Variants in WDR25 observed in about 807,000 individuals in gnomAD.
WDR25 encodes WD repeat domain 25, also known as WD repeat-containing protein 25.
A neutral mutation model predicts 47.7 loss-of-function variants in WDR25; 35 were observed. The observed-to-expected ratio is 0.73, with a 90% CI of 0.56 to 0.97. The LOEUF is 0.97. WDR25 is among the 50% of genes least tolerant of loss of function. The pLI is 0.00. For missense variants in WDR25, 634 were observed against 704.7 expected (o/e 0.90, Z 1.14); for synonymous variants, 248 against 278.9 (o/e 0.89, Z 1.10).
At chr14:100,446,090 T>C (rs1173767335) in intron 2 of WDR25, among the ~76,000 whole-genome samples, 1 of 152,218 alleles carries the variant, frequency 6.6e-6, no homozygotes, top group Admixed American at 6.5e-5. Context: ...GTTTCAGTGC[T>C]GTGCTCCACC....
Position 100,428,660 on chromosome 14 carries a change from G to A in WDR25, c.823-39361G>A, listed in dbSNP as rs906872378. Reference sequence around the variant, plus strand: ...TCTTCCCTGGTCTTATCCCTCGGAGGTGCTCTGCTGAGAGCTGCCCCTGTG... The same window carrying A: ...TCTTCCCTGGTCTTATCCCTCGGAGATGCTCTGCTGAGAGCTGCCCCTGTG... On this transcript the variant is annotated intron_variant, in intron 2 of 6. Transcript: ENST00000402312. The surrounding 1 kb of genome is among the most constrained non-coding windows in gnomAD (Gnocchi z 4.3). Among the ~76,000 whole-genome samples the A allele has an allele frequency of 6.6e-6, 1 of 152,170 alleles. No individual in the cohort carries two copies. Among genetic ancestry groups the A allele is most frequent in the Non-Finnish European group, 1.5e-5 (1 of 68,030 alleles).
rs560120168 is a variant in WDR25 at position 100,514,598 on chromosome 14, T to C, written c.1102-11272T>C. 9.1e-4 allele frequency among the ~76,000 whole-genome samples: 138 copies of C among 152,286 alleles called. 3 individuals carry two copies. The highest frequency in any genetic ancestry group is 3.4e-3 in the Middle Eastern group (1 of 294). On this transcript the variant is annotated intron_variant, in intron 4 of 6. Coordinates refer to ENST00000402312, the MANE Select transcript of WDR25 (RefSeq NM_001161476.3). ...CATTTAAGTCACATTATATCTCTTTTTCTGTAAGAACCTTAGAGCAGTATT... is the reference window on the plus strand; with the variant it reads ...CATTTAAGTCACATTATATCTCTTTCTCTGTAAGAACCTTAGAGCAGTATT...
At chr14:100,458,938 T>C (rs763549715) in intron 2 of WDR25, among the ~76,000 whole-genome samples, 4 of 152,174 alleles carry the variant, frequency 2.6e-5, no homozygotes, top group African/African-American at 7.2e-5. Context: ...CTATATTAGT[T>C]GGGAAGAAAT....
intron 2 of WDR25, among the ~76,000 whole-genome samples, chr14:100,442,290 C>A (rs1898693618): frequency 6.6e-6 from 1 of 152,188 alleles, no homozygotes; most frequent in African/African-American, 2.4e-5. Flanking sequence ...ATTTAGTGAG[C>A]ACCTACTGCA....
chr14:100,496,828 C>CTTTTTTTTTTTTTTTTTTTTT (rs1226765543), intron 4 of WDR25, among the ~76,000 whole-genome samples: 3 of 73,424 alleles, frequency 4.1e-5, no homozygotes, highest in African/African-American at 5.0e-5. Flanking sequence ...TTCTTTAATT[C>CTTTTTTTTTTTTTTTTTTTTT]TTTTTTTTTT....
intron 2 of WDR25, among the ~76,000 whole-genome samples, chr14:100,436,704 T>C (rs921110672): frequency 4.6e-5 from 7 of 152,160 alleles, no homozygotes; most frequent in Admixed American, 2.0e-4. Flanking sequence ...CCTGTGTAGC[T>C]TGGTTTTACT....
In WDR25 at chr14:100,428,548, CCCCTGTGGTGGT is replaced by C. The variant is rs1418560636; in HGVS notation, c.823-39466_823-39455del. Among the ~76,000 whole-genome samples, 11 of 152,264 alleles carry C rather than the reference CCCCTGTGGTGGT, an allele frequency of 7.2e-5. No individual in the cohort carries two copies. Among genetic ancestry groups the C allele is most frequent in the Admixed American group, 7.2e-4 (11 of 15,296 alleles). ...CTCTCTGCGTTCTTAGTGGAGGTGG[CCCCTGTGGTGGT>C]CCCTGTTGATGCCGACCTGCTAGCC... On this transcript the variant is annotated intron_variant, in intron 2 of 6. Transcript: ENST00000402312. The surrounding 1 kb of genome is among the most constrained non-coding windows in gnomAD (Gnocchi z 4.3).
At chr14:100,490,433 C>T (rs1900525200) in intron 4 of WDR25, among the ~76,000 whole-genome samples, 1 of 152,264 alleles carries the variant, frequency 6.6e-6, no homozygotes, top group Admixed American at 6.5e-5. Context: ...TCTCCTTCCC[C>T]TCCTGTGGGC....
intron 2 of WDR25, among the ~76,000 whole-genome samples, chr14:100,427,422 C>A (rs1419110081): frequency 6.6e-6 from 1 of 152,166 alleles, no homozygotes; most frequent in Non-Finnish European, 1.5e-5. Flanking sequence ...CATTGTATCC[C>A]CAGCTTGATC....
chr14:100,382,502 G>A (rs1299294331), intron 2 of WDR25, among the ~76,000 whole-genome samples: 1 of 152,120 alleles, frequency 6.6e-6, no homozygotes, highest in Non-Finnish European at 1.5e-5. Flanking sequence ...GCCCTTCTGG[G>A]GACTTCTGGT....
At chr14:100,466,132 A>AGTCTTCTGGCTGT (rs1196288521) in intron 2 of WDR25, among the ~76,000 whole-genome samples, 2 of 152,096 alleles carry the variant, frequency 1.3e-5, no homozygotes, top group Non-Finnish European at 2.9e-5. Context: ...TCCACTTTGA[A>AGTCTTCTGGCTGT]GTCTTCTGGC....
At chr14:100,416,048 CAGAT>C (rs1280757549) in intron 2 of WDR25, among the ~76,000 whole-genome samples, 1 of 152,196 alleles carries the variant, frequency 6.6e-6, no homozygotes, top group Non-Finnish European at 1.5e-5. Context: ...CCAGGGGCAG[CAGAT>C]AGAGTGGGAA....
At chr14:100,438,194 A>G (rs923312356) in intron 2 of WDR25, among the ~76,000 whole-genome samples, 4 of 152,250 alleles carry the variant, frequency 2.6e-5, no homozygotes, top group African/African-American at 9.6e-5. Flanking sequence ...TTGCAAAGAC[A>G]GGCACGTAGT....
At chr14:100,485,318 G>C (rs189273730) in intron 4 of WDR25, among the ~76,000 whole-genome samples, 1 of 151,988 alleles carries the variant, frequency 6.6e-6, no homozygotes, top group Non-Finnish European at 1.5e-5. Context: ...GACATATTAT[G>C]GATTTTATGT....
chr14:100,529,325 G>C lies in WDR25; in HGVS notation c.1413+117G>C. The C allele has an allele frequency of 1.4e-6, 2 of 1,471,436 alleles. No homozygotes were observed. Among genetic ancestry groups the C allele is most frequent in the Non-Finnish European group, 1.8e-6 (2 of 1,086,802 alleles). The allele number at this position is 1,471,436 out of a possible 1,614,324, so 91.1% of individuals were successfully genotyped here. A position where few individuals can be genotyped will look rare whatever the true frequency, so the allele number is the denominator to read the frequency against. On this transcript the variant is annotated intron_variant, in intron 6 of 6. Coordinates refer to ENST00000402312, the MANE Select transcript of WDR25 (RefSeq NM_001161476.3). This position sits in a 1 kb window ranked among gnomAD's most constrained non-coding sequence, Gnocchi z 5.1. ...TCTGTCTGGGTGGATCCTGCTTTCT[G>C]TTTCCTGGGTGAGCGCATGCCATGT...
chr14:100,495,292 G>A (rs1900695425), intron 4 of WDR25, among the ~76,000 whole-genome samples: 1 of 152,230 alleles, frequency 6.6e-6, no homozygotes, highest in East Asian at 1.9e-4. Flanking sequence ...TGGAAGCGGA[G>A]GTTGCAGTGA....
intron 4 of WDR25, among the ~76,000 whole-genome samples, chr14:100,515,444 A>T (rs1213985412): frequency 1.3e-5 from 2 of 152,078 alleles, no homozygotes; most frequent in African/African-American, 4.8e-5. Context: ...AAATTTAGTA[A>T]TCATATCTTA....
chr14:100,479,789 T>C (rs1490290619), intron 3 of WDR25, among the ~76,000 whole-genome samples: 5 of 152,068 alleles, frequency 3.3e-5, no homozygotes, highest in Admixed American at 3.3e-4. Flanking sequence ...AGGTGAGCAG[T>C]GGGTGAGTGA....
intron 2 of WDR25, among the ~76,000 whole-genome samples, chr14:100,454,212 A>C (rs1394481443): frequency 6.6e-6 from 1 of 152,108 alleles, no homozygotes; most frequent in East Asian, 1.9e-4. Flanking sequence ...GTTCTCTGCA[A>C]ATTTTTGTGA....
Sources: gnomAD v4.1 joint callset for allele counts (sites outside exome capture counted in the v4.1 genomes callset) on GRCh38, gnomAD v4.1.1 for gene constraint, Gnocchi (gnomAD v3.1) non-coding constraint, MANE v1.5 for transcripts, NCBI Gene and HGNC (gene_info 2026-07-23, HGNC 2026-07-21) for gene names.